Variants in GSDME observed in about 807,000 individuals in gnomAD.
GSDME encodes the protein gasdermin-E.
In GSDME, 44 loss-of-function variants were observed where a neutral mutation model predicts 47.5. The observed-to-expected ratio is 0.93, with a 90% CI of 0.73 to 1.19. The LOEUF (loss-of-function observed/expected upper bound fraction) is 1.19. GSDME is among the 50% of genes most tolerant of loss of function. GSDME has a pLI of 0.00. For missense variants in GSDME, 663 were observed against 604.2 expected, an observed-to-expected ratio of 1.10 and a Z score of -1.02; for synonymous variants, 258 against 252.8, an observed-to-expected ratio of 1.02 and a Z score of -0.20.
intron 1 of GSDME, among the ~76,000 whole-genome samples, chr7:24,755,778 T>G (rs973090787): frequency 3.3e-5 from 5 of 152,246 alleles, no homozygotes; most frequent in African/African-American, 1.2e-4. Flanking sequence ...TGACTCATTC[T>G]GTAACATAAG....
intron 1 of GSDME, among the ~76,000 whole-genome samples, chr7:24,751,627 G>C (rs940688277): frequency 3.3e-5 from 5 of 152,180 alleles, no homozygotes; most frequent in Non-Finnish European, 1.5e-5. Flanking sequence ...AATATGCAAG[G>C]AAGTTCCTTT....
At chr7:24,708,933 A>T (rs963670215) in intron 6 of GSDME, among the ~76,000 whole-genome samples, 1 of 152,068 alleles carries the variant, frequency 6.6e-6, no homozygotes, top group Non-Finnish European at 1.5e-5. Flanking sequence ...TTTTTAAGAT[A>T]CTCAGAAGCT....
intron 3 of GSDME, among the ~76,000 whole-genome samples, chr7:24,722,732 T>C (rs569540084): frequency 2.6e-5 from 4 of 152,310 alleles, no homozygotes; most frequent in South Asian, 2.1e-4. Context: ...CCTAGACTAC[T>C]CAAGACTCCA....
At chr7:24,753,092 T>C (rs1443551274) in intron 1 of GSDME, among the ~76,000 whole-genome samples, 1 of 152,206 alleles carries the variant, frequency 6.6e-6, no homozygotes, top group Non-Finnish European at 1.5e-5. Flanking sequence ...TATTGCTTTG[T>C]TTATTAGACT....
chr7:24,749,458 C>G, intron 2 of GSDME, 106 bp downstream of exon 2: 1 of 986,692 alleles, frequency 1.0e-6, no homozygotes, highest in Non-Finnish European at 1.6e-6. Flanking sequence ...GCCAAGATCA[C>G]GCCACTGCAC....
Position 24,712,892 on chromosome 7 carries a change from C to T in GSDME, c.698-2504G>A, listed in dbSNP as rs1329513897. ...AATTAGCCGGGCATAGTGGTGCACA[C>T]CTGTAATCCCAGTTACTCAGGAGGC... is the stretch of plus-strand genomic sequence containing the variant. On this transcript the variant is annotated intron_variant, in intron 5 of 9. Coordinates refer to ENST00000645220, the MANE Select transcript of GSDME (RefSeq NM_001127453.2). This position sits in a 1 kb window ranked among gnomAD's most constrained non-coding sequence, Gnocchi z 4.4. Among the ~76,000 whole-genome samples, 1 of 151,994 alleles carries T rather than the reference C, an allele frequency of 6.6e-6. No individual in the cohort carries two copies. Among genetic ancestry groups the T allele is most frequent in the African/African-American group, 2.4e-5 (1 of 41,366 alleles).
chr7:24,744,680 G>T lies in GSDME; in HGVS notation c.286C>A (p.Leu96Met). ...NHVSGTLETA[L>M]GKVKLNLGGS... is the part of the protein sequence containing the mutation. ...CCCAGGTTCAGCTTGACCTTCCCCA[G>T]TGCAGTCTCCAGGGTTCCACTCACG... Residue 96 changes from leucine to methionine, a missense_variant, in exon 3 of 10, where the codon CTG becomes ATG. Coordinates refer to ENST00000645220, the MANE Select transcript of GSDME (RefSeq NM_001127453.2). This position sits in a 1 kb window ranked among gnomAD's most constrained non-coding sequence, Gnocchi z 4.5. 6.2e-7 allele frequency: 1 copy of T among 1,614,106 alleles called. No homozygotes were observed. Among genetic ancestry groups the T allele is most frequent in the Non-Finnish European group, 8.5e-7 (1 of 1,180,036 alleles).
chr7:24,718,942 C>G, intron 4 of GSDME, 105 bp downstream of exon 4: 1 of 1,294,648 alleles, frequency 7.7e-7, no homozygotes, highest in Admixed American at 1.7e-5. Context: ...TGTTAACTTG[C>G]TACGGAAAGA....
chr7:24,710,663 T>C (rs920027776), intron 5 of GSDME: 2 of 430,002 alleles, frequency 4.7e-6, no homozygotes, highest in East Asian at 4.4e-5. Flanking sequence ...CTTTAAAACA[T>C]TGGAAATATT....
At chr7:24,717,147 T>A in intron 5 of GSDME, 107 bp downstream of exon 5, 1 of 1,163,534 alleles carries the variant, frequency 8.6e-7, no homozygotes, top group Non-Finnish European at 1.2e-6. Flanking sequence ...TTTCCCTCTC[T>A]TCCCACAGTC....
Position 24,732,092 on chromosome 7 carries a change from G to C in GSDME, c.404+12470C>G. On this transcript the variant is annotated intron_variant, in intron 3 of 9. Coordinates refer to ENST00000645220, the MANE Select transcript of GSDME (RefSeq NM_001127453.2). This position sits in a 1 kb window ranked among gnomAD's most constrained non-coding sequence, Gnocchi z 4.8. ...TGGAAGGAGAAACACAGCAAAAAGA[G>C]AATCAGCGACAGGACCAGAATCAGG... Among the ~76,000 whole-genome samples the C allele has an allele frequency of 6.6e-6, 1 of 152,204 alleles. No homozygotes were observed. Among genetic ancestry groups the C allele is most frequent in the East Asian group, 1.9e-4 (1 of 5,202 alleles).
chr7:24,758,589 T>C (rs78575031), upstream of GSDME, among the ~76,000 whole-genome samples: 1,612 of 152,338 alleles, frequency 0.011, 27 homozygotes, highest in African/African-American at 0.037. This position sits in a 1 kb window ranked among gnomAD's most constrained non-coding sequence, Gnocchi z 4.6. Flanking sequence ...TGTGTGGCTG[T>C]CTTAAAGGCT....
chr7:24,741,528 G>GT (rs1335087791), intron 3 of GSDME, among the ~76,000 whole-genome samples: 1 of 152,132 alleles, frequency 6.6e-6, no homozygotes, highest in Non-Finnish European at 1.5e-5. Flanking sequence ...GCACAGGCTT[G>GT]TTTTTTCAAG....
At chr7:24,707,726 G>A (rs1440509617) in intron 7 of GSDME, 4 of 417,466 alleles carry the variant, frequency 9.6e-6, no homozygotes, top group Non-Finnish European at 1.7e-5. Context: ...TGGAGACAGA[G>A]CAGAGGCTGG....
rs1235343249 is a variant in GSDME at position 24,724,333 on chromosome 7, G to C, written c.405-5115C>G. Among the ~76,000 whole-genome samples the C allele has an allele frequency of 1.3e-5, 2 of 152,092 alleles. No individual in the cohort carries two copies. The highest frequency in any genetic ancestry group is 4.8e-5 in the African/African-American group (2 of 41,388). ...TATCACATAAACCCGGGCAGGACTG[G>C]AATGAGACCCTCTCCCCAAGTCCAG... On this transcript the variant is annotated intron_variant, in intron 3 of 9. Coordinates refer to ENST00000645220, the MANE Select transcript of GSDME (RefSeq NM_001127453.2). The surrounding 1 kb of genome is among the most constrained non-coding windows in gnomAD (Gnocchi z 4.8).
At chr7:24,794,800 A>C in the GSDME span, among the ~76,000 whole-genome samples, 1 of 152,172 alleles carries the variant, frequency 6.6e-6, no homozygotes, top group South Asian at 2.1e-4. Flanking sequence ...TCTTACCACA[A>C]AGAGGGAAGG....
intron 6 of GSDME, among the ~76,000 whole-genome samples, chr7:24,708,499 A>G (rs1015421171): frequency 6.6e-6 from 1 of 152,164 alleles, no homozygotes; most frequent in Non-Finnish European, 1.5e-5. Flanking sequence ...TTCAAGCTTC[A>G]CTCTTCTCTG....
At chr7:24,719,022 C>T (rs201217155) in intron 4 of GSDME, 25 bp downstream of exon 4, 310 of 1,610,796 alleles carry the variant, frequency 1.9e-4, no homozygotes, top group Non-Finnish European at 2.5e-4. Flanking sequence ...CAGCCATGAA[C>T]GCAGGGCAGC....
At chr7:24,723,742 C>T (rs1789873806) in intron 3 of GSDME, among the ~76,000 whole-genome samples, 1 of 152,184 alleles carries the variant, frequency 6.6e-6, no homozygotes, top group Admixed American at 6.5e-5. Context: ...GGTGAGGGCA[C>T]CCTTGGGCTG....
Sources: gnomAD v4.1 joint callset for allele counts (sites outside exome capture counted in the v4.1 genomes callset) on GRCh38, gnomAD v4.1.1 for gene constraint, Gnocchi (gnomAD v3.1) non-coding constraint, MANE v1.5 for transcripts, NCBI Gene and HGNC (gene_info 2026-07-23, HGNC 2026-07-21) for gene names.